Variants in DOCK10 observed in about 807,000 individuals in gnomAD.
DOCK10 encodes dedicator of cytokinesis protein 10.
DOCK10 carries 145 observed loss-of-function variants against 280.1 expected under a neutral mutation model. That is an observed-to-expected ratio of 0.52 (90% confidence interval 0.45 to 0.59). The LOEUF is 0.59. DOCK10 is among the 20% of genes least tolerant of loss of function. The probability of loss-of-function intolerance (pLI) is 0.00; values close to 1 mark genes in which losing one functional copy is unlikely to be tolerated. For synonymous variants in DOCK10, 915 were observed against 942.2 expected, an observed-to-expected ratio of 0.97 and a Z score of 0.53; for missense variants, 2,368 against 2,651.7, an observed-to-expected ratio of 0.89 and a Z score of 2.35.
At chr2:224,905,928 A>G (rs1700602149) in intron 3 of DOCK10, among the ~76,000 whole-genome samples, 1 of 152,012 alleles carries the variant, frequency 6.6e-6, no homozygotes, top group South Asian at 2.1e-4. Context: ...CCAGGTTTAA[A>G]GCTTGAATTT....
At chr2:224,839,314 A>T (rs1208850594) in intron 24 of DOCK10, among the ~76,000 whole-genome samples, 1 of 141,038 alleles carries the variant, frequency 7.1e-6, no homozygotes, top group Non-Finnish European at 1.5e-5. Flanking sequence ...GTTACATGTT[A>T]GGCAGGATGG....
At chr2:224,976,291 C>G (rs1029778779) in intron 1 of DOCK10, among the ~76,000 whole-genome samples, 1 of 152,046 alleles carries the variant, frequency 6.6e-6, no homozygotes, top group Non-Finnish European at 1.5e-5. Context: ...GCATGCAGGG[C>G]TTAAAACCTA....
chr2:224,921,112 A>AAAATATATATATATATATATATAT, intron 2 of DOCK10, among the ~76,000 whole-genome samples: 1 of 54,414 alleles, frequency 1.8e-5, no homozygotes, highest in South Asian at 6.4e-4. Flanking sequence ...AAAAAAAAAA[A>AAAATATATATATATATATATATAT]ATATATATAT....
chr2:224,896,295 C>T lies in DOCK10; in HGVS notation c.416G>A (p.Arg139Gln), dbSNP rs770099671. ...QYSGDIRQLP[R>Q]AEYKPEKLPS... ...ATAAGTGCTCATAACAGGTTCTTAC[C>T]GGGGTAGCTGTCGAATGTCTCCAGA... The change falls in exon 4 of 56, where the codon CGA (arginine) becomes CAA (glutamine). Residue 139 changes from arginine to glutamine, a missense_variant and splice_region_variant. Around this residue, in one of 2 missense-constraint regions of DOCK10, gnomAD observed 1,209 missense variants for 1,250.9 expected, o/e 0.97. Transcript: ENST00000258390. 15 of 1,577,840 alleles carry T rather than the reference C, an allele frequency of 9.5e-6. No homozygotes were observed. Among genetic ancestry groups the T allele is most frequent in the African/African-American group, 1.4e-5 (1 of 73,838 alleles).
At position 224,937,575 on chromosome 2, in the gene DOCK10, T is replaced by C. The variant is rs1702759986; in HGVS notation, c.124-5907A>G. On this transcript the variant is annotated intron_variant, in intron 1 of 55. Transcript: ENST00000258390. The stretch of plus-strand genomic sequence containing the variant: ...CTGGAGGCAAAAATGGTAGTCATAA[T>C]GAAGAGTACTCAAATAAAAAAAGGA... 2.0e-5 allele frequency among the ~76,000 whole-genome samples: 3 copies of C among 152,116 alleles called. No individual in the cohort carries two copies. In the South Asian group the frequency reaches 6.2e-4, roughly 32 times the overall value.
chr2:224,993,622 G>A (rs1706189622), intron 1 of DOCK10, among the ~76,000 whole-genome samples: 1 of 152,186 alleles, frequency 6.6e-6, no homozygotes, highest in Non-Finnish European at 1.5e-5. Context: ...GGATATTCAT[G>A]TTCATCTTTT....
At chr2:224,968,549 ATTT>A (rs1344404414) in intron 1 of DOCK10, among the ~76,000 whole-genome samples, 1 of 152,210 alleles carries the variant, frequency 6.6e-6, no homozygotes, top group African/African-American at 2.4e-5. Flanking sequence ...ATAATTTGAT[ATTT>A]ACTGCTAGAA....
intron 1 of DOCK10, among the ~76,000 whole-genome samples, chr2:224,932,578 C>T (rs564505497): frequency 5.3e-5 from 8 of 152,216 alleles, no homozygotes; most frequent in African/African-American, 1.9e-4. Context: ...AGCGGTGGTC[C>T]TCTGGGTTAT....
Position 224,906,722 on chromosome 2 carries a change from G to A in DOCK10, c.333+9973C>T, listed in dbSNP as rs188888950. ...TCTTGATCTCCTGACCTGGTGATCC[G>A]CCCGCCTTGGCCTCCCAAAGTGCTG... On this transcript the variant is annotated intron_variant, in intron 3 of 55. Coordinates refer to ENST00000258390, the MANE Select transcript of DOCK10 (RefSeq NM_014689.3). Among the ~76,000 whole-genome samples, 17 of 152,238 alleles carry A rather than the reference G, an allele frequency of 1.1e-4. No homozygotes were observed. The East Asian group carries it at 2.3e-3, about 21-fold the overall frequency.
chr2:224,930,117 C>T (rs1015117537), intron 2 of DOCK10, among the ~76,000 whole-genome samples: 3 of 150,226 alleles, frequency 2.0e-5, no homozygotes, highest in Non-Finnish European at 3.0e-5. Flanking sequence ...AGGAGAATCA[C>T]CTGAACCCAG....
chr2:224,775,127 G>A lies in DOCK10; in HGVS notation c.5803-12C>T. ...TCCTTGGGGTTTACCTGTGTTAACAGATTATGGGCAAAGTGAGTGGTGTGC... is the reference window on the plus strand; with the variant it reads ...TCCTTGGGGTTTACCTGTGTTAACAAATTATGGGCAAAGTGAGTGGTGTGC... On this transcript the variant is annotated splice_polypyrimidine_tract_variant and intron_variant, in intron 51 of 55. Transcript: ENST00000258390. 1 of 1,613,004 alleles carries A rather than the reference G, an allele frequency of 6.2e-7. No individual in the cohort carries two copies. The highest frequency in any genetic ancestry group is 8.5e-7 in the Non-Finnish European group (1 of 1,179,054).
chr2:224,999,712 GT>G lies in DOCK10; in HGVS notation c.123+42539del, dbSNP rs35668501. 7.6e-3 allele frequency among the ~76,000 whole-genome samples: 1,090 copies of G among 142,698 alleles called. 13 individuals are homozygous for G. The highest frequency in any genetic ancestry group is 0.023 in the African/African-American group (890 of 38,328). The allele number at this position is 142,698 out of a possible 152,430, so 93.6% of individuals were successfully genotyped here. On this transcript the variant is annotated intron_variant, in intron 1 of 55. Coordinates refer to ENST00000258390, the MANE Select transcript of DOCK10 (RefSeq NM_014689.3). ...AAATATCCATAAACACTATAATGGT[GT>G]TTTTTTTTTTTTTGGTAGATTCTTT...
rs531207985 is a variant in DOCK10 at position 225,042,042 on chromosome 2, C to A, written c.123+210G>T. Among the ~76,000 whole-genome samples the A allele has an allele frequency of 5.7e-3, 873 of 152,328 alleles. 3 individuals carry two copies. Among genetic ancestry groups the A allele is most frequent in the Non-Finnish European group, 7.9e-3 (535 of 68,028 alleles). Reference sequence around the variant, plus strand: ...TGCTCCTCTGAGCGTCCCGCGTGCACAAACGCGCCCCCGGTCCTTACGCGT... The same window carrying A: ...TGCTCCTCTGAGCGTCCCGCGTGCAAAAACGCGCCCCCGGTCCTTACGCGT... On this transcript the variant is annotated intron_variant, in intron 1 of 55. Transcript: ENST00000258390. The surrounding 1 kb of genome is among the most constrained non-coding windows in gnomAD (Gnocchi z 5.1).
intron 21 of DOCK10, 132 bp from the exon 22 acceptor site, chr2:224,844,971 T>A (rs1331661239): frequency 1.2e-6 from 1 of 814,494 alleles, no homozygotes; most frequent in African/African-American, 1.7e-5. Context: ...AAATAAAAGA[T>A]GCAAATACAT....
intron 3 of DOCK10, among the ~76,000 whole-genome samples, chr2:224,905,730 C>G (rs1238988965): frequency 1.3e-5 from 2 of 152,190 alleles, no homozygotes; most frequent in Non-Finnish European, 2.9e-5. Context: ...TGCACTTTCT[C>G]TCGCTATTGA....
At chr2:224,802,115 A>G (rs1490902113) in intron 39 of DOCK10, 75 bp from the exon 40 acceptor site, 7 of 1,449,958 alleles carry the variant, frequency 4.8e-6, no homozygotes, top group Admixed American at 2.2e-5. Flanking sequence ...TCATTCTCAA[A>G]TGTTCTAGAT....
At chr2:225,003,463 T>C (rs1197418653) in intron 1 of DOCK10, among the ~76,000 whole-genome samples, 3 of 152,292 alleles carry the variant, frequency 2.0e-5, no homozygotes, top group African/African-American at 7.2e-5. Context: ...GGGAGTAGAA[T>C]TCTCCTTAGA....
At chr2:224,810,500 A>G (rs913297995) in intron 31 of DOCK10, among the ~76,000 whole-genome samples, 1 of 151,978 alleles carries the variant, frequency 6.6e-6, no homozygotes. Flanking sequence ...TATTATTATT[A>G]TACTTTAAGT....
Position 224,805,142 on chromosome 2 carries a change from G to A in DOCK10, c.4052-18C>T. On this transcript the variant is annotated intron_variant, in intron 36 of 55. Coordinates refer to ENST00000258390, the MANE Select transcript of DOCK10 (RefSeq NM_014689.3). The surrounding 1 kb of genome is among the most constrained non-coding windows in gnomAD (Gnocchi z 4.3). ...CAGAGTCTCTAAAAGGAAACACCAG[G>A]TAGTATGAGAATCTGAAGGTTTTCT... 6.2e-7 allele frequency: 1 copy of A among 1,608,212 alleles called. No individual in the cohort carries two copies. Among genetic ancestry groups the A allele is most frequent in the South Asian group, 1.1e-5 (1 of 89,884 alleles).
Sources: allele counts gnomAD v4.1 joint callset (sites outside exome capture counted in the v4.1 genomes callset), GRCh38; gene constraint gnomAD v4.1.1; regional missense constraint gnomAD v4.1.1; non-coding constraint Gnocchi (gnomAD v3.1); transcripts MANE v1.5; gene names NCBI Gene and HGNC (gene_info 2026-07-23, HGNC 2026-07-21).